The following NTHL1 variants were observed in gnomAD, a reference collection of about 807,000 sequenced individuals.
The protein encoded by NTHL1 is endonuclease III-like protein 1.
A neutral mutation model predicts 32.3 loss-of-function variants in NTHL1; 32 were observed. The ratio of observed to expected loss-of-function variants is 0.99; its 90% confidence interval spans 0.75 to 1.33. NTHL1 has a LOEUF of 1.33. Ranked by LOEUF, NTHL1 falls within the 40% of genes most tolerant of loss-of-function variation. The probability of loss-of-function intolerance (pLI) is 0.00; values close to 1 mark genes in which losing one functional copy is unlikely to be tolerated. For synonymous variants in NTHL1, 188 were observed against 176.9 expected, an observed-to-expected ratio of 1.06 and a Z score of -0.50; for missense variants, 501 against 414.1, an observed-to-expected ratio of 1.21 and a Z score of -1.82.
At chr16:2,047,674 C>T in intron 1 of NTHL1, 35 bp downstream of exon 1, 1 of 1,551,934 alleles carries the variant, frequency 6.4e-7, no homozygotes, top group Non-Finnish European at 8.6e-7. Context: ...CCCTATCCCG[C>T]CTCCTCCCAC....
chr16:2,041,986 C>T (rs1780813349), intron 4 of NTHL1: 1 of 454,262 alleles, frequency 2.2e-6, no homozygotes, highest in Non-Finnish European at 4.4e-6. Flanking sequence ...CTCCTGACCT[C>T]AGGTGATCCA....
rs145312239 is a variant in NTHL1 at position 2,040,193 on chromosome 16, G to C, written c.731C>G (p.Thr244Ser). 6.8e-6 allele frequency: 11 copies of C among 1,613,846 alleles called. No homozygotes were observed. The African/African-American group carries it at 9.3e-5, about 14-fold the overall frequency. The change falls in exon 5 of 6, where the codon ACC becomes AGC. Residue 244 changes from threonine (T) to serine (S), a missense_variant. Transcript: ENST00000651570. ...CTCTGGGGACTTGGTTGCCTTCTTG[G>C]TCCACCTCAGCCTGTTGGCGATTCT... ...VHRIANRLRW[T>S]KKATKSPEET...
At chr16:2,047,627 G>A (rs962744244) in intron 1 of NTHL1, 82 bp downstream of exon 1, 4 of 1,497,296 alleles carry the variant, frequency 2.7e-6, no homozygotes, top group African/African-American at 1.4e-5. Flanking sequence ...GCGCAGCTGG[G>A]AGCCGCAGGA....
At position 2,044,614 on chromosome 16, in the gene NTHL1, C is replaced by A; in HGVS notation, c.525+16G>T. ...GCCACTGCCACCCGGCCCCCGTTGCCACAGGCAGGGCTCACCCTCCAGAAA... is the reference window on the plus strand; with the variant it reads ...GCCACTGCCACCCGGCCCCCGTTGCAACAGGCAGGGCTCACCCTCCAGAAA... On this transcript the variant is annotated intron_variant, in intron 3 of 5. Coordinates refer to ENST00000651570, the MANE Select transcript of NTHL1 (RefSeq NM_002528.7). The surrounding 1 kb of genome is among the most constrained non-coding windows in gnomAD (Gnocchi z 5.0). 6.2e-7 allele frequency: 1 copy of A among 1,600,814 alleles called. No homozygotes were observed. The highest frequency in any genetic ancestry group is 2.2e-5 in the East Asian group (1 of 44,874).
Position 2,043,229 on chromosome 16 carries a change from G to C in NTHL1, c.685+338C>G, listed in dbSNP as rs2084293289. 6.6e-6 allele frequency among the ~76,000 whole-genome samples: 1 copy of C among 151,674 alleles called. No homozygotes were observed. The highest frequency in any genetic ancestry group is 1.5e-5 in the Non-Finnish European group (1 of 67,916). On this transcript the variant is annotated intron_variant, in intron 4 of 5. Coordinates refer to ENST00000651570, the MANE Select transcript of NTHL1 (RefSeq NM_002528.7). The surrounding 1 kb of genome is among the most constrained non-coding windows in gnomAD (Gnocchi z 4.4). Reference sequence around the variant, plus strand: ...GCCTTCCCAGAGGCCCTGGGCCCAAGCCAGGCCCCAAGAGCACCCTGCACA... The same window carrying C: ...GCCTTCCCAGAGGCCCTGGGCCCAACCCAGGCCCCAAGAGCACCCTGCACA...
At chr16:2,045,838 G>A (rs2150943448) in intron 2 of NTHL1, among the ~76,000 whole-genome samples, 1 of 152,292 alleles carries the variant, frequency 6.6e-6, no homozygotes, top group East Asian at 1.9e-4. Context: ...TGGTCTAAGG[G>A]TTTCAGGCCC....
intron 2 of NTHL1, 62 bp downstream of exon 2, chr16:2,046,066 G>A (rs1260002584): frequency 1.4e-6 from 2 of 1,440,248 alleles, no homozygotes; most frequent in African/African-American, 2.8e-5. Context: ...CCACCGGGTA[G>A]AAAGAAAACA....
At chr16:2,047,613 G>A (rs2084503945) in intron 1 of NTHL1, 96 bp downstream of exon 1, 2 of 1,467,402 alleles carry the variant, frequency 1.4e-6, no homozygotes, top group East Asian at 2.6e-5. Flanking sequence ...TGCAGCCCCT[G>A]CCCGCGCAGC....
Position 2,046,486 on chromosome 16 carries a change from A to C in NTHL1, c.116-120T>G, listed in dbSNP as rs573733358. 114 of 902,662 alleles carry C rather than the reference A, an allele frequency of 1.3e-4. 1 individual carries two copies. In the South Asian group the frequency reaches 1.8e-3, roughly 14 times the overall value. The allele number at this position is 902,662 out of a possible 1,614,324, so 55.9% of individuals were successfully genotyped here. ...ATGCCACAACTGTCCATCATCTAATACACTTGGGGTGCTCTGCCCTCTGCA... is the reference window on the plus strand; with the variant it reads ...ATGCCACAACTGTCCATCATCTAATCCACTTGGGGTGCTCTGCCCTCTGCA... On this transcript the variant is annotated intron_variant, in intron 1 of 5. Transcript: ENST00000651570.
chr16:2,044,712 G>A lies in NTHL1; in HGVS notation c.443C>T (p.Ala148Val), dbSNP rs748576083. Reference sequence around the variant, plus strand: ...GATGCTGTCCACCGTCAGGCCCCGCGCCCGCAGTCGCTGCATGGCGCCCGC... The same window carrying A: ...GATGCTGTCCACCGTCAGGCCCCGCACCCGCAGTCGCTGCATGGCGCCCGC... Reference protein sequence around the residue: ...VTAGAMQRLRARGLTVDSILQ... With the variant: ...VTAGAMQRLRVRGLTVDSILQ... The change falls in exon 3 of 6, where the codon GCG becomes GTG. Residue 148 changes from alanine to valine, a missense_variant. Coordinates refer to ENST00000651570, the MANE Select transcript of NTHL1 (RefSeq NM_002528.7). This position sits in a 1 kb window ranked among gnomAD's most constrained non-coding sequence, Gnocchi z 5.0. 5.3e-5 allele frequency: 86 copies of A among 1,612,234 alleles called. No individual in the cohort carries two copies. Among genetic ancestry groups the A allele is most frequent in the Non-Finnish European group, 6.7e-5 (79 of 1,179,882 alleles).
At position 2,044,878 on chromosome 16, in the gene NTHL1, G is replaced by A. The variant is rs993161596; in HGVS notation, c.355-78C>T. 19 of 1,462,106 alleles carry A rather than the reference G, an allele frequency of 1.3e-5. No individual in the cohort carries two copies. In the African/African-American group the frequency reaches 2.0e-4, roughly 15 times the overall value. 90.6% of individuals were successfully genotyped at this position (1,462,106 alleles called of 1,614,324 possible). On this transcript the variant is annotated intron_variant, in intron 2 of 5. Transcript: ENST00000651570. The surrounding 1 kb of genome is among the most constrained non-coding windows in gnomAD (Gnocchi z 5.0). ...TGGCCAGGCTCCGCCCCCCGCCCTC[G>A]ACACACCCTGGTTTGTTGCCCTGGG...
chr16:2,044,788 GGTACCTGC>G lies in NTHL1; in HGVS notation c.359_366del (p.Arg120ProfsTer39). 1 of 1,607,720 alleles carries G rather than the reference GGTACCTGC, an allele frequency of 6.2e-7. No homozygotes were observed. Among genetic ancestry groups the G allele is most frequent in the East Asian group, 2.2e-5 (1 of 44,622 alleles). ...GAGAGCATCAGTGACAGCAGCACCT[GGTACCTGC>G]GTACCTGCTTGTGCAGTGACAGGGA... On this transcript the variant is annotated frameshift_variant, in exon 3 of 6. Coordinates refer to ENST00000651570, the MANE Select transcript of NTHL1 (RefSeq NM_002528.7). LOFTEE classifies it high-confidence loss of function. This position sits in a 1 kb window ranked among gnomAD's most constrained non-coding sequence, Gnocchi z 5.0.
intron 1 of NTHL1, 139 bp from the exon 2 acceptor site, chr16:2,046,505 C>T: frequency 5.2e-6 from 4 of 766,946 alleles, no homozygotes; most frequent in Non-Finnish European, 8.3e-6. Context: ...GTGCTCTGCC[C>T]TCTGCAGTCT....
Position 2,043,871 on chromosome 16 carries a change from C to T in NTHL1, c.526-145G>A, listed in dbSNP as rs926513927. 70 of 932,766 alleles carry T rather than the reference C, an allele frequency of 7.5e-5. No homozygotes were observed. The highest frequency in any genetic ancestry group is 5.1e-4 in the South Asian group (34 of 66,026). The allele number at this position is 932,766 out of a possible 1,614,324, so 57.8% of individuals were successfully genotyped here. ...AGCTCAGCCCCCGCCCCCCAGGAGGCGGGAACAAGCGGAGGGCAGCAGGGA... is the reference window on the plus strand; with the variant it reads ...AGCTCAGCCCCCGCCCCCCAGGAGGTGGGAACAAGCGGAGGGCAGCAGGGA... On this transcript the variant is annotated intron_variant, in intron 3 of 5. Transcript: ENST00000651570. This position sits in a 1 kb window ranked among gnomAD's most constrained non-coding sequence, Gnocchi z 4.4.
chr16:2,045,232 G>A (rs553062909), intron 2 of NTHL1, among the ~76,000 whole-genome samples: 48 of 152,094 alleles, frequency 3.2e-4, no homozygotes, highest in Admixed American at 2.5e-3. Context: ...AGCTACTCGG[G>A]AGGCCGAGGC....
In NTHL1 at chr16:2,040,389, C is replaced by G. The variant is rs916614629; in HGVS notation, c.686-151G>C. Reference sequence around the variant, plus strand: ...CCCTGGCTGCAAGCCTACATGTGACCATCTTGGCTGCCCCTGAGGTGCTGG... The same window carrying G: ...CCCTGGCTGCAAGCCTACATGTGACGATCTTGGCTGCCCCTGAGGTGCTGG... On this transcript the variant is annotated intron_variant, in intron 4 of 5. Coordinates refer to ENST00000651570, the MANE Select transcript of NTHL1 (RefSeq NM_002528.7). 1.3e-4 allele frequency: 97 copies of G among 750,122 alleles called. No individual in the cohort carries two copies. In the Middle Eastern group the frequency reaches 1.6e-3, roughly 12 times the overall value. The allele number at this position is 750,122 out of a possible 1,614,324, so 46.5% of individuals were successfully genotyped here.
chr16:2,046,966 G>C (rs2084438118), intron 1 of NTHL1: 1 of 152,568 alleles, frequency 6.6e-6, no homozygotes, highest in South Asian at 2.1e-4. Context: ...AGCAAGACCC[G>C]ATCTCAAAAC....
chr16:2,041,907 C>T (rs1392816216), intron 4 of NTHL1: 3 of 390,320 alleles, frequency 7.7e-6, no homozygotes, highest in Non-Finnish European at 1.5e-5. Flanking sequence ...CACGCCTGGC[C>T]ACACCCGGCT....
intron 2 of NTHL1, among the ~76,000 whole-genome samples, chr16:2,045,782 C>G (rs1217159554): frequency 1.3e-5 from 2 of 152,198 alleles, no homozygotes; most frequent in Non-Finnish European, 2.9e-5. Context: ...TCAGAGAGGC[C>G]TGTATCCAAG....
Sources: gnomAD v4.1 joint callset for allele counts (sites outside exome capture counted in the v4.1 genomes callset) on GRCh38, gnomAD v4.1.1 for gene constraint, Gnocchi (gnomAD v3.1) non-coding constraint, MANE v1.5 for transcripts, NCBI Gene and HGNC (gene_info 2026-07-23, HGNC 2026-07-21) for gene names.